Variants in WWOX observed in about 807,000 individuals in gnomAD.
The protein encoded by WWOX is WW domain-containing oxidoreductase.
Under a neutral mutation model 46.2 loss-of-function variants are expected in WWOX, and 69 were observed. The observed-to-expected ratio is 1.49, with a 90% CI of 1.23 to 1.82. The LOEUF is 1.82. Among genes scored for constraint, WWOX ranks in the 40% most tolerant of loss-of-function variants. WWOX has a pLI of 0.00. For synonymous variants in WWOX, 359 were observed against 202.6 expected (o/e 1.77, Z -6.56); for missense variants, 919 against 542.6 (o/e 1.69, Z -6.89).
In WWOX at chr16:78,608,365, G is replaced by A. The variant is rs1284958212; in HGVS notation, c.1056+175613G>A. 2.0e-5 allele frequency among the ~76,000 whole-genome samples: 3 copies of A among 152,282 alleles called. No individual in the cohort carries two copies. In the South Asian group the frequency reaches 6.2e-4, roughly 32 times the overall value. On this transcript the variant is annotated intron_variant, in intron 8 of 8. Coordinates refer to ENST00000566780, the MANE Select transcript of WWOX (RefSeq NM_016373.4). ...AAAGCCCTTACCATTTATGAAACCA[G>A]ATTGCAAGTCTGTTTGAATCCCCCA...
intron 8 of WWOX, among the ~76,000 whole-genome samples, chr16:78,929,021 G>A (rs1026014231): frequency 2.0e-5 from 3 of 152,102 alleles, no homozygotes; most frequent in Non-Finnish European, 4.4e-5. Flanking sequence ...TTCACATATA[G>A]TTACATTAGA....
chr16:78,364,466 C>T (rs4074873), intron 5 of WWOX, among the ~76,000 whole-genome samples: 94,846 of 151,246 alleles, frequency 0.63, 31,772 homozygotes, highest in Non-Finnish European at 0.77. Flanking sequence ...GCAGGGTGCC[C>T]GGAATATCTG....
chr16:79,160,006 C>T (rs894321548), intron 8 of WWOX, among the ~76,000 whole-genome samples: 14 of 152,290 alleles, frequency 9.2e-5, no homozygotes, highest in African/African-American at 3.4e-4. Context: ...TTTGACCCGT[C>T]ATTATTTCTG....
intron 8 of WWOX, among the ~76,000 whole-genome samples, chr16:79,133,502 ATT>A (rs1326099158): frequency 6.6e-6 from 1 of 152,186 alleles, no homozygotes; most frequent in Admixed American, 6.5e-5. Context: ...GGTGGTTCTC[ATT>A]TTAGTATATT....
intron 5 of WWOX, among the ~76,000 whole-genome samples, chr16:78,323,363 C>T (rs2080532409): frequency 6.6e-6 from 1 of 152,284 alleles, no homozygotes; most frequent in East Asian, 1.9e-4. Flanking sequence ...CCTCAGCCTC[C>T]TAAAGTGCTG....
In WWOX at chr16:78,694,835, T is replaced by TC. The variant is rs371774122; in HGVS notation, c.1056+262085dup. 6.6e-5 allele frequency among the ~76,000 whole-genome samples: 10 copies of TC among 152,070 alleles called. No individual in the cohort carries two copies. The East Asian group carries it at 9.7e-4, about 15-fold the overall frequency. On this transcript the variant is annotated intron_variant, in intron 8 of 8. Transcript: ENST00000566780. ...ATCACCCCACTACTCTTTTTTTTTTTCCGCTGCATTCTGCTATGTATCTTT... is the reference window on the plus strand; with the variant it reads ...ATCACCCCACTACTCTTTTTTTTTTTCCCGCTGCATTCTGCTATGTATCTTT...
At chr16:78,766,753 G>T (rs1165749604) in intron 8 of WWOX, among the ~76,000 whole-genome samples, 2 of 152,198 alleles carry the variant, frequency 1.3e-5, no homozygotes, top group African/African-American at 4.8e-5. Context: ...AGATTTTAAT[G>T]TTCAGGTTTT....
intron 8 of WWOX, among the ~76,000 whole-genome samples, chr16:78,769,843 CA>C (rs1221692408): frequency 6.7e-6 from 1 of 148,404 alleles, no homozygotes; most frequent in African/African-American, 2.5e-5. Flanking sequence ...CCTGTCTCTA[CA>C]AAAAATAAAA....
chr16:78,392,919 C>G (rs1208169757), intron 6 of WWOX, among the ~76,000 whole-genome samples: 1 of 151,890 alleles, frequency 6.6e-6, no homozygotes, highest in Non-Finnish European at 1.5e-5. Context: ...GGTGGTCAGC[C>G]CAGGAAGCCT....
At chr16:78,204,694 G>A (rs996270385) in intron 5 of WWOX, among the ~76,000 whole-genome samples, 4 of 152,102 alleles carry the variant, frequency 2.6e-5, no homozygotes, top group Non-Finnish European at 1.5e-5. Flanking sequence ...TGCATCATGG[G>A]ACTGCACAAT....
intron 8 of WWOX, among the ~76,000 whole-genome samples, chr16:78,548,597 A>G (rs2044103188): frequency 6.6e-6 from 1 of 152,182 alleles, no homozygotes; most frequent in Admixed American, 6.5e-5. Context: ...ATCATCTCTC[A>G]AGGAACTGAT....
chr16:78,450,355 T>G (rs1167163600), intron 8 of WWOX, among the ~76,000 whole-genome samples: 1 of 152,210 alleles, frequency 6.6e-6, no homozygotes, highest in Non-Finnish European at 1.5e-5. Context: ...GAATGTATGG[T>G]GTTTGTTCAG....
chr16:78,955,362 A>C (rs1416709791), intron 8 of WWOX, among the ~76,000 whole-genome samples: 2 of 152,198 alleles, frequency 1.3e-5, no homozygotes, highest in African/African-American at 4.8e-5. Flanking sequence ...GAGATGAGTC[A>C]GGTGTGCCGC....
At chr16:78,960,908 C>T (rs961214872) in intron 8 of WWOX, among the ~76,000 whole-genome samples, 1 of 152,208 alleles carries the variant, frequency 6.6e-6, no homozygotes, top group Non-Finnish European at 1.5e-5. Flanking sequence ...TAAAGAAGTT[C>T]AGAACCTACG....
chr16:79,045,631 G>A (rs1359066288), intron 8 of WWOX, among the ~76,000 whole-genome samples: 1 of 152,106 alleles, frequency 6.6e-6, no homozygotes, highest in Non-Finnish European at 1.5e-5. Context: ...CCAGCTTGGA[G>A]GCAGAGGCAC....
At chr16:78,989,821 C>T (rs1027851110) in intron 8 of WWOX, among the ~76,000 whole-genome samples, 7 of 136,402 alleles carry the variant, frequency 5.1e-5, no homozygotes, top group Non-Finnish European at 1.1e-4. Flanking sequence ...GGTGTGTGAG[C>T]GTGTGTGTGT....
intron 8 of WWOX, among the ~76,000 whole-genome samples, chr16:78,722,822 C>A (rs922990660): frequency 6.7e-6 from 1 of 150,314 alleles, no homozygotes; most frequent in Non-Finnish European, 1.5e-5. Context: ...AGGAGGATTG[C>A]TTGAGCCCAG....
intron 8 of WWOX, among the ~76,000 whole-genome samples, chr16:79,071,684 G>C (rs139413534): frequency 6.6e-6 from 1 of 152,208 alleles, no homozygotes; most frequent in African/African-American, 2.4e-5. Context: ...CTCCTGCCCC[G>C]CATTCCCCTT....
chr16:78,432,755 AAG>A lies in WWOX; in HGVS notation c.1056+7_1056+8del. ...CGAGGCCTTTCACCAAGTCCATGGT[AAG>A]AGAACAGCTTCTGGCGCCGCAAACA... On this transcript the variant is annotated splice_donor_5th_base_variant and intron_variant, in intron 8 of 8. Coordinates refer to ENST00000566780, the MANE Select transcript of WWOX (RefSeq NM_016373.4). 1 of 1,614,172 alleles carries A rather than the reference AAG, an allele frequency of 6.2e-7. No homozygotes were observed. The highest frequency in any genetic ancestry group is 8.5e-7 in the Non-Finnish European group (1 of 1,180,038).
Sources: allele counts gnomAD v4.1 joint callset (sites outside exome capture counted in the v4.1 genomes callset), GRCh38; gene constraint gnomAD v4.1.1; transcripts MANE v1.5; gene names NCBI Gene and HGNC (gene_info 2026-07-23, HGNC 2026-07-21).